The following PRDM11 variants were observed in gnomAD, a reference collection of about 807,000 sequenced individuals.
The protein encoded by PRDM11 is PR domain-containing protein 11.
Under a neutral mutation model 97.8 loss-of-function variants are expected in PRDM11, and 20 were observed. That is an observed-to-expected ratio of 0.20 (90% CI 0.14 to 0.30). The LOEUF (loss-of-function observed/expected upper bound fraction) is 0.30, where lower values mean the gene tolerates loss of function less well. PRDM11 is among the 10% of genes least tolerant of loss of function. The pLI, the probability that PRDM11 is intolerant of heterozygous loss-of-function variation, is 1.00. For missense variants in PRDM11, 1,139 were observed against 1,555.2 expected (o/e 0.73, Z 4.50); for synonymous variants, 599 against 637.7 (o/e 0.94, Z 0.91).
At chr11:45,212,739 C>T (rs1485493598) in intron 5 of PRDM11, 4 of 456,364 alleles carry the variant, frequency 8.8e-6, no homozygotes, top group Non-Finnish European at 1.3e-5. Flanking sequence ...GCCCAGCAGA[C>T]CGAGGTGTTC....
At chr11:45,145,460 A>ATT (rs1851485958), upstream of PRDM11, among the ~76,000 whole-genome samples, 1 of 152,194 alleles carries the variant, frequency 6.6e-6, no homozygotes, top group Non-Finnish European at 1.5e-5. Context: ...GCCAGCAGCA[A>ATT]GGTTGACACG....
chr11:45,226,939 G>A lies in PRDM11; in HGVS notation c.2314G>A (p.Ala772Thr). The A allele has an allele frequency of 2.0e-6, 3 of 1,533,956 alleles. No homozygotes were observed. Among genetic ancestry groups the A allele is most frequent in the Non-Finnish European group, 2.6e-6 (3 of 1,146,738 alleles). Reference protein sequence around the residue: ...VHRPHLEILDAISGKELPCLE... With the variant: ...VHRPHLEILDTISGKELPCLE... Reference sequence around the variant, plus strand: ...CCGGCCCCACCTGGAGATCCTGGATGCCATCAGCGGGAAGGAGCTCCCATG... The same window carrying A: ...CCGGCCCCACCTGGAGATCCTGGATACCATCAGCGGGAAGGAGCTCCCATG... The change falls in exon 8 of 8, where the codon GCC becomes ACC. Residue 772 changes from alanine (A) to threonine (T), a missense_variant. Ala to Thr is a moderately conservative substitution (Grantham distance 58). Coordinates refer to ENST00000683152, the MANE Select transcript of PRDM11 (RefSeq NM_001384648.1).
intron 1 of PRDM11, among the ~76,000 whole-genome samples, chr11:45,123,448 G>A (rs1283104988): frequency 7.6e-5 from 9 of 118,398 alleles, no homozygotes; most frequent in African/African-American, 1.9e-4. Context: ...TATTGCCTAG[G>A]TTTTCTTCTA....
rs750138091 is a variant in PRDM11 at position 45,227,365 on chromosome 11, G to A, written c.2740G>A (p.Glu914Lys). ...GTCCCAGGTGGATGACAAGATCGAG[G>A]AGGCCATCCAGGAGATCAGCCGGCT... ...LVSQVDDKIE[E>K]AIQEISRLAD... Residue 914 changes from glutamate to lysine, a missense_variant, in exon 8 of 8, where the codon GAG becomes AAG. Around this residue, in one of 2 missense-constraint regions of PRDM11, gnomAD observed 710 missense variants for 1,044.9 expected, o/e 0.68. Coordinates refer to ENST00000683152, the MANE Select transcript of PRDM11 (RefSeq NM_001384648.1). The surrounding 1 kb of genome is among the most constrained non-coding windows in gnomAD (Gnocchi z 8.0). 8.0e-5 allele frequency: 122 copies of A among 1,533,976 alleles called. No individual in the cohort carries two copies. Among genetic ancestry groups the A allele is most frequent in the Middle Eastern group, 2.3e-4 (1 of 4,358 alleles).
chr11:45,129,090 T>C (rs1478677377), intron 1 of PRDM11, among the ~76,000 whole-genome samples: 1 of 152,286 alleles, frequency 6.6e-6, no homozygotes, highest in Non-Finnish European at 1.5e-5. Context: ...TATAGAAACA[T>C]TATTTGACAA....
intron 1 of PRDM11, among the ~76,000 whole-genome samples, chr11:45,154,288 C>T (rs998243496): frequency 3.9e-5 from 6 of 152,054 alleles, no homozygotes; most frequent in Admixed American, 3.3e-4. Flanking sequence ...CCTGGGAGAT[C>T]GAGGCTGTGA....
In PRDM11 at chr11:45,224,482, A is replaced by G; in HGVS notation, c.1008A>G (p.Lys336=). 1.2e-6 allele frequency: 2 copies of G among 1,614,176 alleles called. No individual in the cohort carries two copies. Among genetic ancestry groups the G allele is most frequent in the Non-Finnish European group, 1.7e-6 (2 of 1,180,042 alleles). Residue 336 remains lysine (K), a synonymous_variant, in exon 7 of 8, where the codon AAA becomes AAG. Coordinates refer to ENST00000683152, the MANE Select transcript of PRDM11 (RefSeq NM_001384648.1). ...CACTGGTCATCAGGAAAGTCCCCAA[A>G]TACCAGGATGACGCCTACAGTCAGT... ...STSLVIRKVP[K]YQDDAYSQCA...
intron 4 of PRDM11, among the ~76,000 whole-genome samples, chr11:45,189,628 C>T (rs1402680857): frequency 6.6e-6 from 1 of 152,236 alleles, no homozygotes; most frequent in Non-Finnish European, 1.5e-5. Context: ...TGCTACCGTT[C>T]TGGGGAGAAG....
intron 1 of PRDM11, among the ~76,000 whole-genome samples, chr11:45,128,007 G>A (rs1347033208): frequency 4.6e-5 from 7 of 152,258 alleles, no homozygotes; most frequent in Non-Finnish European, 1.0e-4. Flanking sequence ...CCCACTTCGA[G>A]CTTCCTGGCT....
At chr11:45,147,163 GCTC>G (rs1267437306) in intron 1 of PRDM11, among the ~76,000 whole-genome samples, 2 of 151,640 alleles carry the variant, frequency 1.3e-5, no homozygotes, top group Non-Finnish European at 2.9e-5. Flanking sequence ...CAGCTCGCTC[GCTC>G]CTCGCCTTGT....
Position 45,108,244 on chromosome 11 carries a change from G to A in PRDM11, c.96+12343G>A, listed in dbSNP as rs557760264. 1.6e-4 allele frequency among the ~76,000 whole-genome samples: 25 copies of A among 152,282 alleles called. 1 individual carries two copies. The South Asian group carries it at 5.2e-3, about 32-fold the overall frequency. ...TGTCCACTCCAGTTGGTAAATAGCT[G>A]CTGTCTAATTCCCCATGAGTGTGAC... On this transcript the variant is annotated intron_variant, in intron 1 of 6. Transcript: ENST00000530656.
At chr11:45,173,240 T>C (rs1241502712) in intron 1 of PRDM11, among the ~76,000 whole-genome samples, 2 of 152,140 alleles carry the variant, frequency 1.3e-5, no homozygotes, top group East Asian at 3.9e-4. Flanking sequence ...GTGTGGCACC[T>C]GAACAAAGTC....
intron 7 of PRDM11, 134 bp downstream of exon 7, chr11:45,224,977 G>A (rs1183349199): frequency 2.1e-5 from 32 of 1,525,932 alleles, no homozygotes; most frequent in Middle Eastern, 2.3e-4. Context: ...GGCTACCTCC[G>A]TGGGTGGGAG....
In PRDM11 at chr11:45,147,062, G is replaced by A. The variant is rs533457160; in HGVS notation, c.-7+185G>A. Among the ~76,000 whole-genome samples the A allele has an allele frequency of 6.1e-3, 901 of 147,190 alleles. 11 individuals carry two copies. The highest frequency in any genetic ancestry group is 0.021 in the African/African-American group (854 of 40,724). On this transcript the variant is annotated intron_variant, in intron 1 of 7. Transcript: ENST00000683152. ...GGACGGCGCCGGCGCGGGGTGGGGG[G>A]CGGCCCGCCGTGGCCGCGAGGTGGG...
intron 4 of PRDM11, among the ~76,000 whole-genome samples, chr11:45,185,619 A>C (rs750079597): frequency 1.3e-5 from 2 of 152,176 alleles, no homozygotes; most frequent in African/African-American, 2.4e-5. Flanking sequence ...AACCTTTTAC[A>C]TCACCTCAGA....
chr11:45,121,626 A>C (rs1004176427), intron 1 of PRDM11, among the ~76,000 whole-genome samples: 3 of 152,220 alleles, frequency 2.0e-5, no homozygotes, highest in African/African-American at 2.4e-5. Context: ...ATTATATTGA[A>C]TAACTGCAGA....
At chr11:45,094,685 T>A (rs1313489423), upstream of PRDM11, among the ~76,000 whole-genome samples, 16 of 68,150 alleles carry the variant, frequency 2.3e-4, no homozygotes, top group Admixed American at 3.9e-4. Context: ...GATGGAAGGA[T>A]GGAAGGAAGG....
chr11:45,220,635 G>A (rs1217513646), intron 6 of PRDM11, among the ~76,000 whole-genome samples: 1 of 152,142 alleles, frequency 6.6e-6, no homozygotes, highest in Non-Finnish European at 1.5e-5. Context: ...GTTACCTGAT[G>A]TCCCAGACAA....
At chr11:45,193,317 A>T (rs1224852694) in intron 4 of PRDM11, among the ~76,000 whole-genome samples, 2 of 152,126 alleles carry the variant, frequency 1.3e-5, no homozygotes, top group Non-Finnish European at 2.9e-5. Context: ...TATTAAGTTT[A>T]TATCTGTTCT....
Sources: allele counts gnomAD v4.1 joint callset (sites outside exome capture counted in the v4.1 genomes callset), GRCh38; gene constraint gnomAD v4.1.1; regional missense constraint gnomAD v4.1.1; non-coding constraint Gnocchi (gnomAD v3.1); transcripts MANE v1.5; gene names NCBI Gene and HGNC (gene_info 2026-07-23, HGNC 2026-07-21).